The following SH3TC2 variants were observed in gnomAD, a reference collection of about 807,000 sequenced individuals.
SH3TC2 encodes the protein SH3 domain and tetratricopeptide repeat-containing protein 2.
A neutral mutation model predicts 124.5 loss-of-function variants in SH3TC2; 87 were observed. The ratio of observed to expected loss-of-function variants is 0.70; its 90% confidence interval spans 0.59 to 0.84. The LOEUF is 0.84. SH3TC2 is among the 40% of genes least tolerant of loss of function. The probability of loss-of-function intolerance (pLI) is 0.00; values close to 1 mark genes in which losing one functional copy is unlikely to be tolerated. For missense variants in SH3TC2, 1,536 were observed against 1,566.4 expected, an observed-to-expected ratio of 0.98 and a Z score of 0.33; for synonymous variants, 634 against 628.5, an observed-to-expected ratio of 1.01 and a Z score of -0.13.
intron 7 of SH3TC2, 88 bp downstream of exon 7, chr5:149,040,516 C>T: frequency 3.2e-6 from 4 of 1,259,916 alleles, no homozygotes; most frequent in Admixed American, 1.7e-5. Flanking sequence ...CAAAAATTCA[C>T]ATCAACTGAC....
chr5:149,004,476 A>C lies in SH3TC2; in HGVS notation c.*235T>G. The C allele has an allele frequency of 7.3e-6, 4 of 545,940 alleles. No individual in the cohort carries two copies. The highest frequency in any genetic ancestry group is 9.8e-6 in the Non-Finnish European group (3 of 306,932). 33.8% of individuals were successfully genotyped at this position (545,940 alleles called of 1,614,324 possible). A position where few individuals can be genotyped will look rare whatever the true frequency, so the allele number is the denominator to read the frequency against. On this transcript the variant is annotated 3_prime_UTR_variant, in exon 17 of 17. Transcript: ENST00000515425. ...GCTGTTTGTGTGGAAGGCAACAGTC[A>C]ACCGGTAAAGGCTCCAGATGCAAAG...
chr5:149,008,026 G>A (rs1753720162), intron 15 of SH3TC2: 3 of 152,676 alleles, frequency 2.0e-5, no homozygotes, highest in Admixed American at 2.0e-4. Context: ...CAGTCACTCA[G>A]ATGAGATCCT....
rs1753732081 is a variant in SH3TC2 at position 149,008,691 on chromosome 5, G to T, written c.3478+160C>A. ...GGTGATGACAAGCTTGAGGCTTATA[G>T]AAGTTAAGCAACTTGCTTAACTAAG... On this transcript the variant is annotated intron_variant, in intron 15 of 16. Coordinates refer to ENST00000515425, the MANE Select transcript of SH3TC2 (RefSeq NM_024577.4). The T allele has an allele frequency of 5.2e-6, 5 of 955,526 alleles. No individual in the cohort carries two copies. In the East Asian group the frequency reaches 7.3e-5, roughly 14 times the overall value. 59.2% of individuals were successfully genotyped at this position (955,526 alleles called of 1,614,324 possible).
intron 3 of SH3TC2, chr5:149,047,527 G>T: frequency 3.2e-6 from 1 of 308,870 alleles, no homozygotes. Context: ...TGAAATTACC[G>T]CATTAGAAAA....
rs10075404 is a variant in SH3TC2 at position 149,026,469 on chromosome 5, C to T, written c.3053+103G>A. 304,642 of 1,425,668 alleles carry T rather than the reference C, an allele frequency of 0.21. 35,204 individuals are homozygous for T. Among genetic ancestry groups the T allele is most frequent in the Admixed American group, 0.4 (23,481 of 59,304 alleles). 88.3% of individuals were successfully genotyped at this position (1,425,668 alleles called of 1,614,324 possible). A position where few individuals can be genotyped will look rare whatever the true frequency, so the allele number is the denominator to read the frequency against. ...GCCCTTGCTCTTTTGCACAAAGCCC[C>T]GCCTATACCATGTACATTTGGACTT... On this transcript the variant is annotated intron_variant, in intron 12 of 16. Transcript: ENST00000515425.
chr5:149,023,124 T>C (rs1215300206), intron 12 of SH3TC2, among the ~76,000 whole-genome samples: 2 of 152,218 alleles, frequency 1.3e-5, no homozygotes, highest in Admixed American at 6.5e-5. Context: ...GAATAGTCGG[T>C]CTCTGTTTGA....
In SH3TC2 at chr5:149,000,822, A is replaced by G. The variant is rs1304155565; in HGVS notation, c.*3889T>C. 6.6e-6 allele frequency among the ~76,000 whole-genome samples: 1 copy of G among 152,174 alleles called. No homozygotes were observed. The highest frequency in any genetic ancestry group is 1.5e-5 in the Non-Finnish European group (1 of 68,040). ...TACCCTTCTGTTCCTCAGTTTACTC[A>G]CCTGTAAAAAGAAGATAATATAATT... On this transcript the variant is annotated 3_prime_UTR_variant, in exon 17 of 17. Transcript: ENST00000515425.
At chr5:149,047,692 T>C in intron 3 of SH3TC2, 170 bp downstream of exon 3, 1 of 916,292 alleles carries the variant, frequency 1.1e-6, no homozygotes, top group South Asian at 1.4e-5. Flanking sequence ...CCCACTCCTC[T>C]CCACTCCTGT....
chr5:148,982,984 T>C lies in SH3TC2; in HGVS notation c.*21727A>G, dbSNP rs770896060. ...GTTGGTCTCAGGCCCAGCTCTGACA[T>C]TGACATTGGCATTGACATTGATGCT... On this transcript the variant is annotated 3_prime_UTR_variant, in exon 17 of 17. Transcript: ENST00000515425. Among the ~76,000 whole-genome samples the C allele has an allele frequency of 1.3e-5, 2 of 152,228 alleles. No homozygotes were observed. The highest frequency in any genetic ancestry group is 2.9e-5 in the Non-Finnish European group (2 of 68,042).
In SH3TC2 at chr5:149,026,896, C is replaced by T. The variant is rs765951062; in HGVS notation, c.2836G>A (p.Ala946Thr). Residue 946 changes from alanine (A) to threonine (T), a missense_variant, in exon 11 of 17, where the codon GCA becomes ACA. Transcript: ENST00000515425. ...LTHGLLCYEM[A>T]LLFGLRHRHL... ...CGATGCCTTAAGCCAAACAGCAATG[C>T]CATTTCATAACAAAGAAGGCCATGG... 3 of 1,614,174 alleles carry T rather than the reference C, an allele frequency of 1.9e-6. No individual in the cohort carries two copies. The highest frequency in any genetic ancestry group is 1.1e-5 in the South Asian group (1 of 91,082).
chr5:149,041,237 A>G (rs374130183), intron 6 of SH3TC2, among the ~76,000 whole-genome samples, 179 bp downstream of exon 6: 2 of 152,182 alleles, frequency 1.3e-5, no homozygotes, highest in African/African-American at 2.4e-5. Context: ...ATTTCATCAG[A>G]TTGTTAAAAT....
intron 1 of SH3TC2, among the ~76,000 whole-genome samples, chr5:149,054,715 G>A (rs1754613298): frequency 6.6e-6 from 1 of 152,210 alleles, no homozygotes; most frequent in East Asian, 1.9e-4. Context: ...ACAGTCAGCT[G>A]GGGCCAAGTG....
At position 149,006,956 on chromosome 5, in the gene SH3TC2, C is replaced by T. The variant is rs886060195; in HGVS notation, c.3600G>A (p.Leu1200=). Reference sequence around the variant, plus strand: ...AGTACAGGGCCTCCTTGGGACTCTGCAGCCATGGTGGACAGAGGGACAGGG... The same window carrying T: ...AGTACAGGGCCTCCTTGGGACTCTGTAGCCATGGTGGACAGAGGGACAGGG... The part of the protein sequence containing the change: ...LKTLSLCPPW[L]QSPKEALYYA... Residue 1200 remains leucine (L), a synonymous_variant, in exon 16 of 17, where the codon CTG becomes CTA. Coordinates refer to ENST00000515425, the MANE Select transcript of SH3TC2 (RefSeq NM_024577.4). 6.2e-7 allele frequency: 1 copy of T among 1,614,156 alleles called. No individual in the cohort carries two copies.
At chr5:149,006,242 C>A in intron 16 of SH3TC2, 1 of 167,058 alleles carries the variant, frequency 6.0e-6, no homozygotes. Context: ...CTGGGCTACA[C>A]AGCAAGACCC....
At chr5:149,061,988 T>C (rs951660410) in intron 1 of SH3TC2, among the ~76,000 whole-genome samples, 1 of 152,002 alleles carries the variant, frequency 6.6e-6, no homozygotes, top group Non-Finnish European at 1.5e-5. Context: ...TTGTTTTGGG[T>C]TCACTTTAAT....
In SH3TC2 at chr5:149,027,248, C is replaced by G; in HGVS notation, c.2484G>C (p.Glu828Asp). 1.9e-6 allele frequency: 3 copies of G among 1,614,194 alleles called. No homozygotes were observed. The highest frequency in any genetic ancestry group is 2.5e-6 in the Non-Finnish European group (3 of 1,180,046). Residue 828 changes from glutamate (E) to aspartate (D), a missense_variant, in exon 11 of 17, where the codon GAG becomes GAC. By Grantham distance (45) the Glu-to-Asp change is conservative (BLOSUM62 2). This residue lies in a region of SH3TC2 where 1,102 missense variants were observed against 1,098.6 expected (regional missense o/e 1.00). Transcript: ENST00000515425. ...VLEPLLCSLK[E>D]TESLTQRGVI... The stretch of plus-strand genomic sequence containing the variant: ...CTCCCCTTTGAGTGAGACTCTCTGT[C>G]TCCTTCAGGGAGCATAGCAGTGGCT...
chr5:149,047,806 T>G, intron 3 of SH3TC2, 56 bp downstream of exon 3: 2 of 1,609,362 alleles, frequency 1.2e-6, no homozygotes, highest in Middle Eastern at 1.7e-4. Context: ...CTAGGGATCC[T>G]GTAGCAGACT....
At chr5:149,012,532 T>TC (rs1408431310) in intron 13 of SH3TC2, 52 bp downstream of exon 13, 1 of 1,608,970 alleles carries the variant, frequency 6.2e-7, no homozygotes, top group East Asian at 2.2e-5. Context: ...TACAGCTGCC[T>TC]CCCCAAATGA....
intron 1 of SH3TC2, among the ~76,000 whole-genome samples, chr5:149,057,174 C>T (rs1754662736): frequency 6.6e-6 from 1 of 152,166 alleles, no homozygotes; most frequent in Admixed American, 6.5e-5. Flanking sequence ...CTTTAATCTA[C>T]TATTTAAATT....
Sources: gnomAD v4.1 joint callset for allele counts (sites outside exome capture counted in the v4.1 genomes callset) on GRCh38, gnomAD v4.1.1 for gene constraint, gnomAD v4.1.1 regional missense constraint, MANE v1.5 for transcripts, NCBI Gene and HGNC (gene_info 2026-07-23, HGNC 2026-07-21) for gene names.